Variants in FMN1 observed in about 807,000 individuals in gnomAD.
The protein encoded by FMN1 is formin-1.
In FMN1, 110 loss-of-function variants were observed where a neutral mutation model predicts 132.4. The ratio of observed to expected loss-of-function variants is 0.83; its 90% CI spans 0.71 to 0.97. The LOEUF (loss-of-function observed/expected upper bound fraction) is 0.97. Among genes scored for constraint, FMN1 ranks in the 50% least tolerant of loss-of-function variants. The probability of loss-of-function intolerance (pLI) is 0.00; values close to 1 mark genes in which losing one functional copy is unlikely to be tolerated. For synonymous variants in FMN1, 722 were observed against 651.7 expected (o/e 1.11, Z -1.64); for missense variants, 1,792 against 1,705.3 (o/e 1.05, Z -0.90).
At chr15:32,863,395 C>T (rs2059320001) in intron 16 of FMN1, among the ~76,000 whole-genome samples, 2 of 152,142 alleles carry the variant, frequency 1.3e-5, no homozygotes, top group African/African-American at 4.8e-5. Context: ...GATTGTGCCA[C>T]TGCACTCCAG....
chr15:32,990,368 G>A (rs936535910), intron 7 of FMN1, among the ~76,000 whole-genome samples: 1 of 152,144 alleles, frequency 6.6e-6, no homozygotes, highest in East Asian at 1.9e-4. Flanking sequence ...GGAGGAGTTC[G>A]AGGATGTCAA....
At chr15:33,022,052 T>TA (rs2035440473) in intron 6 of FMN1, among the ~76,000 whole-genome samples, 1 of 152,230 alleles carries the variant, frequency 6.6e-6, no homozygotes, top group Non-Finnish European at 1.5e-5. Context: ...CTGAGGATAC[T>TA]AAAATCCGTG....
chr15:32,792,508 T>G (rs1298475755), intron 19 of FMN1, among the ~76,000 whole-genome samples: 1 of 151,368 alleles, frequency 6.6e-6, no homozygotes, highest in South Asian at 2.1e-4. Context: ...AAGAATTAGT[T>G]AGAAGGAGTC....
At chr15:33,091,908 T>C (rs555122103) in intron 4 of FMN1, among the ~76,000 whole-genome samples, 1 of 152,238 alleles carries the variant, frequency 6.6e-6, no homozygotes, top group African/African-American at 2.4e-5. Context: ...GTTAGATCTT[T>C]AGAGAATATT....
At chr15:33,078,366 CCTCCATGTGGTA>C (rs2038306555) in intron 5 of FMN1, among the ~76,000 whole-genome samples, 1 of 152,050 alleles carries the variant, frequency 6.6e-6, no homozygotes, top group African/African-American at 2.4e-5. Flanking sequence ...TTCACTATTG[CCTCCATGTGGTA>C]CATCATTTTA....
intron 17 of FMN1, among the ~76,000 whole-genome samples, chr15:32,815,695 A>G (rs2058039969): frequency 6.6e-6 from 1 of 152,256 alleles, no homozygotes; most frequent in Non-Finnish European, 1.5e-5. Context: ...CATAGCTACA[A>G]CTAAGATCCA....
chr15:33,067,830 G>A lies in FMN1; in HGVS notation c.2044-2756C>T, dbSNP rs779748346. On this transcript the variant is annotated intron_variant, in intron 5 of 20. Transcript: ENST00000616417. ...TGAGCCACTTCAAGTCCGGCTTCTG[G>A]TTTTGCTGGTTCTGACACATCACTG... 1.9e-6 allele frequency: 3 copies of A among 1,613,874 alleles called. No homozygotes were observed. In the Middle Eastern group the frequency reaches 4.9e-4, roughly 266 times the overall value.
At chr15:32,896,782 T>C (rs776241151) in intron 15 of FMN1, among the ~76,000 whole-genome samples, 5 of 152,200 alleles carry the variant, frequency 3.3e-5, no homozygotes, top group Non-Finnish European at 5.9e-5. Context: ...CCCTAGTACA[T>C]ATACGCATTT....
chr15:33,050,173 G>A (rs1041928830), intron 6 of FMN1, among the ~76,000 whole-genome samples: 4 of 152,172 alleles, frequency 2.6e-5, no homozygotes, highest in African/African-American at 4.8e-5. Context: ...GGCGTATAAC[G>A]TGTATTTTGA....
At chr15:33,131,886 CA>C (rs1214990269) in intron 4 of FMN1, among the ~76,000 whole-genome samples, 2 of 152,114 alleles carry the variant, frequency 1.3e-5, no homozygotes, top group Admixed American at 6.6e-5. Flanking sequence ...TTAAGATCCC[CA>C]AAGAAAGATA....
In FMN1 at chr15:33,165,548, G is replaced by A. The variant is rs540606245; in HGVS notation, c.-131-10503C>T. ...TGGGAATACAGGCGCCCGCCACCAC[G>A]CCCGGCTAATTTTTTTGTATTTTTA... On this transcript the variant is annotated intron_variant, in intron 3 of 20. Transcript: ENST00000616417. Among the ~76,000 whole-genome samples the A allele has an allele frequency of 1.1e-4, 17 of 152,154 alleles. No individual in the cohort carries two copies. In the South Asian group the frequency reaches 2.3e-3, roughly 20 times the overall value.
intron 4 of FMN1, among the ~76,000 whole-genome samples, chr15:33,095,640 T>TGC (rs1394830580): frequency 6.6e-6 from 1 of 152,086 alleles, no homozygotes; most frequent in African/African-American, 2.4e-5. Flanking sequence ...CTCAAAGTGT[T>TGC]GCGATTACAG....
intron 17 of FMN1, among the ~76,000 whole-genome samples, chr15:32,842,533 C>T (rs1567255210): frequency 6.6e-6 from 1 of 152,216 alleles, no homozygotes; most frequent in Non-Finnish European, 1.5e-5. Flanking sequence ...AAAATATCCA[C>T]TGGCAAATAT....
intron 6 of FMN1, among the ~76,000 whole-genome samples, chr15:33,017,172 G>A (rs898677082): frequency 1.4e-4 from 22 of 151,894 alleles, no homozygotes; most frequent in African/African-American, 5.1e-4. Context: ...GGCCTTGGGA[G>A]GAGGGAGGAA....
chr15:32,774,915 G>A lies in FMN1; in HGVS notation c.4216-561C>T, dbSNP rs74827230. Among the ~76,000 whole-genome samples, 1,222 of 152,198 alleles carry A rather than the reference G, an allele frequency of 8.0e-3. 19 individuals are homozygous for A. The highest frequency in any genetic ancestry group is 0.028 in the African/African-American group (1,165 of 41,540). On this transcript the variant is annotated intron_variant, in intron 20 of 20. Transcript: ENST00000616417. ...CCTCCTCAGAGACTGCCTTCTAAAG[G>A]GAAGGACATGGACATCTGCTGGGAA...
At chr15:32,776,190 A>C (rs552991745) in intron 20 of FMN1, among the ~76,000 whole-genome samples, 1 of 152,358 alleles carries the variant, frequency 6.6e-6, no homozygotes, top group Admixed American at 6.5e-5. Context: ...AGGCCATTTC[A>C]TTCTCGGCAT....
At position 32,786,144 on chromosome 15, in the gene FMN1, A is replaced by T. The variant is rs973983726; in HGVS notation, c.4131-9225T>A. ...TGCTGCACCACTGGACTTACCCTAA[A>T]TGTAAAGACAGGAGTTCAGAATCTC... On this transcript the variant is annotated intron_variant, in intron 19 of 20. Coordinates refer to ENST00000616417, the MANE Select transcript of FMN1 (RefSeq NM_001277313.2). Among the ~76,000 whole-genome samples, 4 of 152,306 alleles carry T rather than the reference A, an allele frequency of 2.6e-5. No individual in the cohort carries two copies. The South Asian group carries it at 8.3e-4, about 32-fold the overall frequency.
chr15:33,121,337 A>T (rs529735545), intron 4 of FMN1, among the ~76,000 whole-genome samples: 1 of 152,292 alleles, frequency 6.6e-6, no homozygotes, highest in Admixed American at 6.5e-5. Context: ...CACATGGCGG[A>T]TTCAGGGTCA....
intron 7 of FMN1, among the ~76,000 whole-genome samples, chr15:32,995,214 T>A (rs375610134): frequency 6.6e-6 from 1 of 152,106 alleles, no homozygotes; most frequent in African/African-American, 2.4e-5. Context: ...TCAAAACAAG[T>A]AGAAGTGTAT....
Sources: gnomAD v4.1 joint callset for allele counts (sites outside exome capture counted in the v4.1 genomes callset) on GRCh38, gnomAD v4.1.1 for gene constraint, MANE v1.5 for transcripts, NCBI Gene and HGNC (gene_info 2026-07-23, HGNC 2026-07-21) for gene names.